The following NIPBL variants were observed in gnomAD, a reference collection of about 807,000 sequenced individuals.
NIPBL encodes nipped-B-like protein.
A neutral mutation model predicts 321.8 loss-of-function variants in NIPBL; 19 were observed. That is an observed-to-expected ratio of 0.06 (90% CI 0.04 to 0.09). The LOEUF (loss-of-function observed/expected upper bound fraction) is 0.09, where lower values mean the gene tolerates loss of function less well. NIPBL is among the 10% of genes least tolerant of loss of function. NIPBL has a pLI of 1.00. For missense variants in NIPBL, 2,210 were observed against 3,327.0 expected (o/e 0.66, Z 8.26); for synonymous variants, 1,106 against 1,114.1 (o/e 0.99, Z 0.14).
intron 10 of NIPBL, among the ~76,000 whole-genome samples, chr5:36,989,380 G>C (rs914638801): frequency 6.6e-6 from 1 of 152,074 alleles, no homozygotes; most frequent in Non-Finnish European, 1.5e-5. Flanking sequence ...TGCCTGGGAG[G>C]GGTGGAGGGG....
At chr5:36,974,818 TG>T (rs1382930317) in intron 8 of NIPBL, among the ~76,000 whole-genome samples, 1 of 152,140 alleles carries the variant, frequency 6.6e-6, no homozygotes, top group Non-Finnish European at 1.5e-5. Context: ...AAGTTCTGTC[TG>T]TAAAAAAACT....
chr5:37,059,832 G>C (rs565156767), intron 44 of NIPBL, among the ~76,000 whole-genome samples: 1 of 152,224 alleles, frequency 6.6e-6, no homozygotes, highest in African/African-American at 2.4e-5. Flanking sequence ...AACTCAAATA[G>C]TATTTAAAGT....
At position 37,045,395 on chromosome 5, in the gene NIPBL, G is replaced by A. The variant is rs183983018; in HGVS notation, c.6344-48G>A. The A allele has an allele frequency of 2.2e-5, 31 of 1,386,910 alleles. No individual in the cohort carries two copies. In the East Asian group the frequency reaches 7.1e-4, roughly 32 times the overall value. The allele number at this position is 1,386,910 out of a possible 1,614,324, so 85.9% of individuals were successfully genotyped here. A position where few individuals can be genotyped will look rare whatever the true frequency, so the allele number is the denominator to read the frequency against. ...CATTAGTAGTAATTACTTGAACTTA[G>A]TAATTCAAAGATAAATATTATAAGT... On this transcript the variant is annotated intron_variant, in intron 36 of 46. Transcript: ENST00000282516.
intron 30 of NIPBL, among the ~76,000 whole-genome samples, chr5:37,025,178 A>C (rs987691791): frequency 6.6e-6 from 1 of 152,252 alleles, no homozygotes; most frequent in Non-Finnish European, 1.5e-5. Flanking sequence ...ACTTGAGCCC[A>C]GGAATTCAAG....
At chr5:36,913,845 TACTA>T (rs1437417418) in intron 1 of NIPBL, among the ~76,000 whole-genome samples, 1 of 152,250 alleles carries the variant, frequency 6.6e-6, no homozygotes, top group Non-Finnish European at 1.5e-5. Flanking sequence ...CAGGCAAACT[TACTA>T]AGTAAATGGA....
rs747799106 is a variant in NIPBL at position 37,060,985 on chromosome 5, G to A, written c.7827G>A (p.Glu2609=). Residue 2609 remains glutamate, a synonymous_variant, in exon 45 of 47, where the codon GAG becomes GAA. Transcript: ENST00000282516. ...TGGCTAATTCCAAAATCACAGAAGA[G>A]GTGAAAAGGAGTATAGTAAAACAGT... ...SDMANSKITE[E]VKRSIVKQYL... 1.2e-6 allele frequency: 2 copies of A among 1,613,972 alleles called. No homozygotes were observed. Among genetic ancestry groups the A allele is most frequent in the African/African-American group, 1.3e-5 (1 of 74,908 alleles).
intron 37 of NIPBL, 35 bp downstream of exon 37, chr5:37,045,632 T>C: frequency 6.3e-7 from 1 of 1,592,810 alleles, no homozygotes; most frequent in Non-Finnish European, 8.6e-7. Flanking sequence ...CTATAAAACA[T>C]AGAGCTATAT....
At chr5:36,947,042 C>T (rs770184495) in intron 1 of NIPBL, among the ~76,000 whole-genome samples, 7 of 151,966 alleles carry the variant, frequency 4.6e-5, no homozygotes, top group Non-Finnish European at 8.8e-5. Context: ...ATTTTTGCAT[C>T]TGTGAAATAG....
At chr5:36,888,232 G>A (rs965588299) in intron 1 of NIPBL, among the ~76,000 whole-genome samples, 7 of 152,078 alleles carry the variant, frequency 4.6e-5, no homozygotes, top group Non-Finnish European at 1.0e-4. Flanking sequence ...TAAAATTAAG[G>A]TGTAATCTTT....
intron 1 of NIPBL, chr5:36,885,083 A>T: frequency 4.7e-6 from 1 of 210,952 alleles, no homozygotes; most frequent in South Asian, 6.2e-5. Flanking sequence ...TTTTTTTGCC[A>T]ATTTAAGTAT....
chr5:36,903,295 T>G (rs1275665929), intron 1 of NIPBL, among the ~76,000 whole-genome samples: 1 of 152,158 alleles, frequency 6.6e-6, no homozygotes, highest in African/African-American at 2.4e-5. Flanking sequence ...CTAGGGCTTC[T>G]AGTACTATGT....
At chr5:36,998,908 A>C (rs1746460967) in intron 11 of NIPBL, among the ~76,000 whole-genome samples, 1 of 152,170 alleles carries the variant, frequency 6.6e-6, no homozygotes, top group African/African-American at 2.4e-5. Flanking sequence ...CCAAATTCAT[A>C]CCTAATTATG....
chr5:37,026,157 A>G lies in NIPBL; in HGVS notation c.5710-72A>G. On this transcript the variant is annotated intron_variant, in intron 30 of 46. Transcript: ENST00000282516. ...TTATTTATAGCTTTGTGTTGGGCCT[A>G]ATGAGAATTTGGAATTGTGAAATTG... 8 of 838,306 alleles carry G rather than the reference A, an allele frequency of 9.5e-6. No individual in the cohort carries two copies. In the South Asian group the frequency reaches 1.1e-4, roughly 12 times the overall value. 51.9% of individuals were successfully genotyped at this position (838,306 alleles called of 1,614,324 possible). A position where few individuals can be genotyped will look rare whatever the true frequency, so the allele number is the denominator to read the frequency against.
At chr5:37,016,280 C>T in intron 23 of NIPBL, 110 bp downstream of exon 23, 5 of 1,102,070 alleles carry the variant, frequency 4.5e-6, no homozygotes, top group Non-Finnish European at 6.8e-6. Flanking sequence ...GAAATATGAA[C>T]ATTGCATCTC....
At chr5:37,052,998 G>A (rs141567082) in intron 42 of NIPBL, among the ~76,000 whole-genome samples, 1 of 151,638 alleles carries the variant, frequency 6.6e-6, no homozygotes, top group Non-Finnish European at 1.5e-5. Flanking sequence ...GTCCACTTTT[G>A]TGTATAGTAG....
intron 10 of NIPBL, 94 bp from the exon 11 acceptor site, chr5:36,995,528 C>T: frequency 1.2e-6 from 1 of 805,886 alleles, no homozygotes; most frequent in Non-Finnish European, 2.0e-6. Context: ...ATTTAGAAAA[C>T]AAATACTAAT....
chr5:36,890,866 T>G lies in NIPBL; in HGVS notation c.-80+13688T>G, dbSNP rs1253341703. 5.9e-5 allele frequency among the ~76,000 whole-genome samples: 9 copies of G among 152,234 alleles called. No individual in the cohort carries two copies. In the South Asian group the frequency reaches 6.2e-4, roughly 11 times the overall value. ...TATTTGAAATGTGAAATACCCAGTG[T>G]GATGTGAACATGGTCATGATCTCAT... is the stretch of plus-strand genomic sequence containing the variant. On this transcript the variant is annotated intron_variant, in intron 1 of 46. Transcript: ENST00000282516.
intron 43 of NIPBL, 47 bp downstream of exon 43, chr5:37,057,379 G>A: frequency 1.9e-6 from 3 of 1,555,772 alleles, no homozygotes; most frequent in Non-Finnish European, 2.7e-6. Flanking sequence ...CAAAGTGCAG[G>A]CATGCTGTTT....
chr5:36,950,828 T>C (rs1453784125), intron 1 of NIPBL, among the ~76,000 whole-genome samples: 1 of 152,172 alleles, frequency 6.6e-6, no homozygotes, highest in Non-Finnish European at 1.5e-5. Context: ...TGTTTGTTCA[T>C]GTTTAGAATC....
Sources: allele counts gnomAD v4.1 joint callset (sites outside exome capture counted in the v4.1 genomes callset), GRCh38; gene constraint gnomAD v4.1.1; transcripts MANE v1.5; gene names NCBI Gene and HGNC (gene_info 2026-07-23, HGNC 2026-07-21).